The following TUSC3 variants were observed in gnomAD, a reference collection of about 807,000 sequenced individuals.
TUSC3 encodes the protein dolichyl-diphosphooligosaccharide--protein glycosyltransferase subunit TUSC3.
TUSC3 carries 45 observed loss-of-function variants against 44.8 expected under a neutral mutation model. The ratio of observed to expected loss-of-function variants is 1.00; its 90% CI spans 0.79 to 1.29. TUSC3 has a LOEUF of 1.29. TUSC3 is among the 50% of genes most tolerant of loss of function. The pLI, the probability that TUSC3 is intolerant of heterozygous loss-of-function variation, is 0.00. For synonymous variants in TUSC3, 212 were observed against 152.9 expected (o/e 1.39, Z -2.85); for missense variants, 519 against 437.9 (o/e 1.19, Z -1.65).
chr8:15,502,494 T>C (rs1800980720), intron 2 of TUSC3, among the ~76,000 whole-genome samples: 1 of 152,140 alleles, frequency 6.6e-6, no homozygotes, highest in Non-Finnish European at 1.5e-5. Flanking sequence ...TTCTTGTTTG[T>C]TTGTTTGTTT....
intron 1 of TUSC3, among the ~76,000 whole-genome samples, chr8:15,462,714 C>G (rs1481370935): frequency 6.6e-6 from 1 of 152,066 alleles, no homozygotes; most frequent in Non-Finnish European, 1.5e-5. Flanking sequence ...TGTGGTGGTA[C>G]TGATATCTGT....
intron 1 of TUSC3, among the ~76,000 whole-genome samples, chr8:15,622,807 C>T (rs564918738): frequency 7.0e-6 from 1 of 142,218 alleles, no homozygotes; most frequent in African/African-American, 2.4e-5. Context: ...TTTCTTGAGC[C>T]TTCTTTTTTT....
intron 1 of TUSC3, among the ~76,000 whole-genome samples, chr8:15,594,755 A>C (rs952238947): frequency 1.3e-5 from 2 of 152,268 alleles, no homozygotes; most frequent in South Asian, 4.1e-4. Context: ...TTCGCTGCAC[A>C]CTAGTTATCA....
chr8:15,455,306 C>T (rs779458913), intron 1 of TUSC3, among the ~76,000 whole-genome samples: 3 of 151,958 alleles, frequency 2.0e-5, no homozygotes, highest in Non-Finnish European at 4.4e-5. Flanking sequence ...AGAGAAAAGC[C>T]CTAACATGTA....
At chr8:15,808,432 G>C in the TUSC3 span, among the ~76,000 whole-genome samples, 1 of 152,118 alleles carries the variant, frequency 6.6e-6, no homozygotes, top group African/African-American at 2.4e-5. Context: ...CTATCAGTGA[G>C]AGTTTTTGAT....
the TUSC3 span, among the ~76,000 whole-genome samples, chr8:15,843,012 C>T: frequency 6.6e-6 from 1 of 152,180 alleles, no homozygotes; most frequent in East Asian, 1.9e-4. Context: ...CAACCACAGC[C>T]TGAGAACATG....
intron 1 of TUSC3, among the ~76,000 whole-genome samples, chr8:15,459,327 G>T (rs147434621): frequency 0.018 from 2,735 of 151,938 alleles, 88 homozygotes; most frequent in African/African-American, 0.062. Flanking sequence ...TTTCATTCCT[G>T]TTCATAACTG....
intron 9 of TUSC3, among the ~76,000 whole-genome samples, chr8:15,750,389 C>G (rs1019752360): frequency 6.6e-6 from 1 of 152,056 alleles, no homozygotes; most frequent in African/African-American, 2.4e-5. Flanking sequence ...CATTCCCTAT[C>G]TAGATTATTA....
the TUSC3 span, among the ~76,000 whole-genome samples, chr8:15,831,135 C>T: frequency 7.3e-3 from 1,117 of 152,226 alleles, 13 homozygotes; most frequent in African/African-American, 0.024. Flanking sequence ...AAAGATGGAG[C>T]GCAAAACAAG....
intron 1 of TUSC3, among the ~76,000 whole-genome samples, chr8:15,477,312 G>T (rs1333267697): frequency 2.0e-5 from 3 of 152,146 alleles, no homozygotes; most frequent in Non-Finnish European, 4.4e-5. Context: ...AGAGTCTCAA[G>T]AAACTTTGCC....
chr8:15,801,111 G>A, the TUSC3 span, among the ~76,000 whole-genome samples: 2 of 152,122 alleles, frequency 1.3e-5, no homozygotes, highest in African/African-American at 4.8e-5. Flanking sequence ...ATAAAAGAAT[G>A]GCTACTCCAT....
At position 15,532,495 on chromosome 8, in the gene TUSC3, A is replaced by C. The variant is rs115069407; in HGVS notation, n.189+49012A>C. Among the ~76,000 whole-genome samples, 553 of 152,260 alleles carry C rather than the reference A, an allele frequency of 3.6e-3. 4 individuals carry two copies. The highest frequency in any genetic ancestry group is 0.012 in the African/African-American group (519 of 41,548). On this transcript the variant is annotated intron_variant and non_coding_transcript_variant, in intron 2 of 5. Coordinates refer to the TUSC3 transcript ENST00000503191. Reference sequence around the variant, plus strand: ...AAAAACTATGGTCCGTGTTTTTCTGAAGACGGTCTGGGATCCTCAATATTT... The same window carrying C: ...AAAAACTATGGTCCGTGTTTTTCTGCAGACGGTCTGGGATCCTCAATATTT...
chr8:15,776,139 T>A, the TUSC3 span, among the ~76,000 whole-genome samples: 6 of 152,114 alleles, frequency 3.9e-5, no homozygotes, highest in Non-Finnish European at 7.4e-5. Context: ...ATGTTTTAAC[T>A]GGTAATTGCT....
At chr8:15,623,901 G>A (rs1039389929) in intron 2 of TUSC3, among the ~76,000 whole-genome samples, 6 of 152,100 alleles carry the variant, frequency 3.9e-5, no homozygotes, top group African/African-American at 9.7e-5. Context: ...AGACAAATGC[G>A]GAACAGCTCT....
chr8:15,491,730 G>A (rs1018901615), intron 2 of TUSC3, among the ~76,000 whole-genome samples: 4 of 152,124 alleles, frequency 2.6e-5, no homozygotes, highest in Non-Finnish European at 4.4e-5. Flanking sequence ...TACGATTTTT[G>A]TCTACTACCG....
At chr8:15,495,975 C>A (rs1432417039) in intron 2 of TUSC3, among the ~76,000 whole-genome samples, 1 of 152,114 alleles carries the variant, frequency 6.6e-6, no homozygotes, top group Non-Finnish European at 1.5e-5. Context: ...AAATATTGCA[C>A]CTACCTGATT....
intron 5 of TUSC3, among the ~76,000 whole-genome samples, chr8:15,672,916 G>A (rs11776684): frequency 0.01 from 1,554 of 152,192 alleles, 10 homozygotes; most frequent in Middle Eastern, 0.027. Flanking sequence ...CCAGGAAGCT[G>A]AAGTAAGGAG....
chr8:15,836,586 T>C, the TUSC3 span, among the ~76,000 whole-genome samples: 1 of 152,122 alleles, frequency 6.6e-6, no homozygotes, highest in Non-Finnish European at 1.5e-5. Context: ...TCTTTAAAAT[T>C]TTAAATACTT....
At chr8:15,428,845 A>T (rs1799837104) in intron 1 of TUSC3, among the ~76,000 whole-genome samples, 1 of 151,878 alleles carries the variant, frequency 6.6e-6, no homozygotes, top group Non-Finnish European at 1.5e-5. Flanking sequence ...AATTTGTTTG[A>T]GTTCATTGTA....
Sources: gnomAD v4.1 joint callset for allele counts (sites outside exome capture counted in the v4.1 genomes callset) on GRCh38, gnomAD v4.1.1 for gene constraint, MANE v1.5 for transcripts, NCBI Gene and HGNC (gene_info 2026-07-23, HGNC 2026-07-21) for gene names.